The following PTP4A1 variants were observed in gnomAD, a reference collection of about 807,000 sequenced individuals.
The protein encoded by PTP4A1 is protein tyrosine phosphatase 4A1.
In PTP4A1, 9 loss-of-function variants were observed where a neutral mutation model predicts 20.5. The ratio of observed to expected loss-of-function variants is 0.44; its 90% confidence interval spans 0.26 to 0.77. The LOEUF (loss-of-function observed/expected upper bound fraction) is 0.77, where lower values mean the gene tolerates loss of function less well. Ranked by LOEUF, PTP4A1 falls within the 30% of genes least tolerant of loss-of-function variation. The probability of loss-of-function intolerance (pLI) is 0.19; values close to 1 mark genes in which losing one functional copy is unlikely to be tolerated. For synonymous variants in PTP4A1, 78 were observed against 67.4 expected (o/e 1.16, Z -0.77); for missense variants, 137 against 218.8 (o/e 0.63, Z 2.36).
Position 63,574,516 on chromosome 6 carries a change from A to G in PTP4A1, c.-446+1797A>G, listed in dbSNP as rs527548348. On this transcript the variant is annotated intron_variant, in intron 1 of 5. Coordinates refer to ENST00000626021, the MANE Select transcript of PTP4A1 (RefSeq NM_003463.5). ...CACTAGGTGGCTCCACTCAGTAAAA[A>G]TAACCATTTCAGGAAGGGAATTCTT... 2.0e-4 allele frequency among the ~76,000 whole-genome samples: 30 copies of G among 152,320 alleles called. No homozygotes were observed. In the South Asian group the frequency reaches 4.8e-3, roughly 24 times the overall value.
chr6:63,579,432 T>A, intron 5 of PTP4A1, 101 bp downstream of exon 5: 1 of 830,648 alleles, frequency 1.2e-6, no homozygotes, highest in Non-Finnish European at 1.8e-6. Flanking sequence ...TTATGATTAT[T>A]TTTTGAGATA....
chr6:63,579,995 A>G lies in PTP4A1; in HGVS notation c.405-62A>G, dbSNP rs1778120678. ...AAGAGAGGTGATGGTTGTCTATAAGACACTAAATATTACTGTAGGGGGCTT... is the reference window on the plus strand; with the variant it reads ...AAGAGAGGTGATGGTTGTCTATAAGGCACTAAATATTACTGTAGGGGGCTT... On this transcript the variant is annotated intron_variant, in intron 5 of 5. Transcript: ENST00000626021. The G allele has an allele frequency of 5.7e-6, 7 of 1,223,190 alleles. No individual in the cohort carries two copies. In the South Asian group the frequency reaches 8.8e-5, roughly 15 times the overall value. 75.8% of individuals were successfully genotyped at this position (1,223,190 alleles called of 1,614,324 possible).
intron 3 of PTP4A1, among the ~76,000 whole-genome samples, chr6:63,566,020 G>A (rs1464886940): frequency 6.6e-6 from 1 of 152,208 alleles, no homozygotes; most frequent in South Asian, 2.1e-4. Flanking sequence ...GAAGCCACAT[G>A]CATTTTTTGG....
chr6:63,539,684 G>T (rs747276674), intron 2 of PTP4A1, among the ~76,000 whole-genome samples: 22 of 152,102 alleles, frequency 1.4e-4, no homozygotes, highest in Non-Finnish European at 2.9e-4. Flanking sequence ...CAGGGGAATT[G>T]CTTGAACCCG....
At chr6:63,574,378 C>T (rs532967371) in intron 1 of PTP4A1, among the ~76,000 whole-genome samples, 56 of 152,154 alleles carry the variant, frequency 3.7e-4, no homozygotes, top group African/African-American at 1.3e-3. Flanking sequence ...GGAAAAAATC[C>T]CCATTATGGA....
rs1267531399 is a variant in PTP4A1 at position 63,580,325 on chromosome 6, T to G, written c.*151T>G. On this transcript the variant is annotated 3_prime_UTR_variant, in exon 6 of 6. Transcript: ENST00000626021. ...TACCAGGCCTCAAGCTAGACAGATT[T>G]GGCAACCTCTGTATTTGGGTTACAG... is the stretch of plus-strand genomic sequence containing the variant. 3.1e-6 allele frequency: 2 copies of G among 640,970 alleles called. No homozygotes were observed. The highest frequency in any genetic ancestry group is 1.8e-5 in the African/African-American group (1 of 54,950). 39.7% of individuals were successfully genotyped at this position (640,970 alleles called of 1,614,324 possible).
Position 63,576,779 on chromosome 6 carries a change from G to A in PTP4A1, c.-102G>A. Reference sequence around the variant, plus strand: ...ATACTCAAAGCACTGAGAATTTCAAGTGGAGTATATTGAAGTAGACTTCAG... The same window carrying A: ...ATACTCAAAGCACTGAGAATTTCAAATGGAGTATATTGAAGTAGACTTCAG... On this transcript the variant is annotated 5_prime_UTR_variant, in exon 2 of 6. In the 5' UTR this introduces an upstream ATG that the reference lacks. Transcript: ENST00000626021. 1.2e-6 allele frequency: 1 copy of A among 859,674 alleles called. No homozygotes were observed. The highest frequency in any genetic ancestry group is 2.7e-5 in the Admixed American group (1 of 37,668). The allele number at this position is 859,674 out of a possible 1,614,324, so 53.3% of individuals were successfully genotyped here.
chr6:63,559,096 A>C (rs901628331), intron 3 of PTP4A1, among the ~76,000 whole-genome samples: 6 of 152,222 alleles, frequency 3.9e-5, no homozygotes, highest in African/African-American at 1.4e-4. Flanking sequence ...AACACTGGAG[A>C]GATGAATCAA....
At chr6:63,520,405 T>C (rs1279883683), upstream of PTP4A1, among the ~76,000 whole-genome samples, 1 of 152,094 alleles carries the variant, frequency 6.6e-6, no homozygotes, top group African/African-American at 2.4e-5. Context: ...GGCGGGCGGA[T>C]CACTTGAGGC....
intron 3 of PTP4A1, among the ~76,000 whole-genome samples, chr6:63,553,061 T>G (rs1254786093): frequency 6.6e-6 from 1 of 152,212 alleles, no homozygotes. Context: ...AGCACTGTAT[T>G]TAACTTGTCA....
At chr6:63,529,268 C>T (rs1581910932) in intron 2 of PTP4A1, among the ~76,000 whole-genome samples, 1 of 151,178 alleles carries the variant, frequency 6.6e-6, no homozygotes, top group Non-Finnish European at 1.5e-5. Context: ...TCTAGGTTCT[C>T]TGGAGTCTCA....
At chr6:63,526,497 G>A (rs1281958505) in intron 1 of PTP4A1, among the ~76,000 whole-genome samples, 1 of 150,578 alleles carries the variant, frequency 6.6e-6, no homozygotes, top group Non-Finnish European at 1.5e-5. Flanking sequence ...TCCGCAAGCA[G>A]AACAAAAATA....
intron 5 of PTP4A1, 43 bp from the exon 6 acceptor site, chr6:63,580,014 G>T: frequency 7.0e-7 from 1 of 1,419,414 alleles, no homozygotes. Flanking sequence ...ATTACTGTAG[G>T]GGGCTTTTGC....
At position 63,544,981 on chromosome 6, in the gene PTP4A1, A is replaced by G. The variant is rs190608382; in HGVS notation, c.-639-5319A>G. 6.6e-5 allele frequency among the ~76,000 whole-genome samples: 10 copies of G among 152,300 alleles called. No individual in the cohort carries two copies. The East Asian group carries it at 1.7e-3, about 26-fold the overall frequency. On this transcript the variant is annotated intron_variant, in intron 2 of 3. Transcript: ENST00000639568. ...TATCAAACTTTCATGCACTAGTTTTATCATCCACTGATGATTCGATCCCAA... is the reference window on the plus strand; with the variant it reads ...TATCAAACTTTCATGCACTAGTTTTGTCATCCACTGATGATTCGATCCCAA...
chr6:63,531,742 T>C (rs1775477264), intron 2 of PTP4A1, among the ~76,000 whole-genome samples: 1 of 152,054 alleles, frequency 6.6e-6, no homozygotes, highest in Non-Finnish European at 1.5e-5. Context: ...CCACCTGTCT[T>C]GGCCTCCCAA....
rs1411690397 is a variant in PTP4A1 at position 63,582,398 on chromosome 6, A to C, written c.*2224A>C. 6.6e-6 allele frequency: 1 copy of C among 152,644 alleles called. No homozygotes were observed. Among genetic ancestry groups the C allele is most frequent in the Non-Finnish European group, 1.5e-5 (1 of 68,036 alleles). 9.5% of individuals were successfully genotyped at this position (152,644 alleles called of 1,614,324 possible). ...TGTTTGGATTGTATATATGGTGCTAAAAATAAATTAATTTACTTTATAAAC... is the reference window on the plus strand; with the variant it reads ...TGTTTGGATTGTATATATGGTGCTACAAATAAATTAATTTACTTTATAAAC... On this transcript the variant is annotated 3_prime_UTR_variant, in exon 6 of 6. Coordinates refer to ENST00000626021, the MANE Select transcript of PTP4A1 (RefSeq NM_003463.5).
At chr6:63,555,028 CA>C (rs1776619645) in intron 3 of PTP4A1, among the ~76,000 whole-genome samples, 1 of 152,192 alleles carries the variant, frequency 6.6e-6, no homozygotes. Context: ...TATCAGAACA[CA>C]GCCAAGCAAA....
chr6:63,534,478 C>T (rs1048899171), intron 2 of PTP4A1, among the ~76,000 whole-genome samples: 4 of 151,354 alleles, frequency 2.6e-5, no homozygotes, highest in Admixed American at 6.6e-5. Context: ...CACACACACA[C>T]ACACACACCT....
intron 3 of PTP4A1, among the ~76,000 whole-genome samples, chr6:63,565,285 CGGCAGAGTTACTAATG>C (rs1397563912): frequency 6.6e-6 from 1 of 151,706 alleles, no homozygotes; most frequent in African/African-American, 2.4e-5. Flanking sequence ...CTATATTAAG[CGGCAGAGTTACTAATG>C]TGAATACACA....
Sources: allele counts gnomAD v4.1 joint callset (sites outside exome capture counted in the v4.1 genomes callset), GRCh38; gene constraint gnomAD v4.1.1; transcripts MANE v1.5; gene names NCBI Gene and HGNC (gene_info 2026-07-23, HGNC 2026-07-21).